CNKSR2: variants seen among roughly 807,000 people sequenced by gnomAD.
CNKSR2 encodes the protein CNK homolog protein 2.
In CNKSR2, 14 loss-of-function variants were observed where a neutral mutation model predicts 84.4. The ratio of observed to expected loss-of-function variants is 0.17; its 90% CI spans 0.11 to 0.26. The LOEUF (loss-of-function observed/expected upper bound fraction) is 0.26, where lower values mean the gene tolerates loss of function less well. Ranked by LOEUF, CNKSR2 falls within the 10% of genes least tolerant of loss-of-function variation. The probability of loss-of-function intolerance (pLI) is 1.00; values close to 1 mark genes in which losing one functional copy is unlikely to be tolerated. For missense variants in CNKSR2, 485 were observed against 771.2 expected (o/e 0.63, Z 4.40); for synonymous variants, 275 against 277.9 (o/e 0.99, Z 0.10).
intron 1 of CNKSR2, among the ~76,000 whole-genome samples, chrX:21,406,718 G>A (rs1207756827): frequency 9.0e-6 from 1 of 111,216 alleles, no homozygotes; most frequent in Non-Finnish European, 1.9e-5. Context: ...ATTCCTTTCT[G>A]TCAAGATCAG....
rs773131126 is a variant in CNKSR2 at position 21,642,609 on chromosome X, A to G, written c.2693-6222A>G. On this transcript the variant is annotated intron_variant, in intron 20 of 21. Transcript: ENST00000379510. ...ATATTTCATACTGTGCAATGAACAG[A>G]TAATTTAACACTGTATTTTGAAATG... The G allele has an allele frequency of 4.0e-5, 30 of 746,171 alleles. No individual in the cohort carries two copies. In the South Asian group the frequency reaches 1.9e-3, roughly 48 times the overall value. The allele number at this position is 746,171 out of a possible 1,213,427, so 61.5% of individuals were successfully genotyped here.
intron 18 of CNKSR2, among the ~76,000 whole-genome samples, chrX:21,605,152 C>T (rs966317152): frequency 1.8e-5 from 2 of 111,449 alleles, no homozygotes; most frequent in Admixed American, 1.9e-4. Flanking sequence ...CACAAGAGCA[C>T]CAAGATGGGA....
At chrX:21,499,008 C>G (rs2091531203) in intron 7 of CNKSR2, among the ~76,000 whole-genome samples, 1 of 111,480 alleles carries the variant, frequency 9.0e-6, no homozygotes, top group Non-Finnish European at 1.9e-5. Flanking sequence ...TTCCTTGCTT[C>G]TCTTGGTTTC....
intron 5 of CNKSR2, among the ~76,000 whole-genome samples, chrX:21,481,233 A>T (rs1479849550): frequency 8.9e-6 from 1 of 111,947 alleles, no homozygotes; most frequent in Non-Finnish European, 1.9e-5. Context: ...AATTGTATAC[A>T]TAAGGAAACT....
chrX:21,626,034 T>C (rs777123756), intron 20 of CNKSR2, among the ~76,000 whole-genome samples: 1 of 111,003 alleles, frequency 9.0e-6, no homozygotes, highest in African/African-American at 3.3e-5. Flanking sequence ...AATTCATCAT[T>C]TAATGGGAGA....
At chrX:21,629,482 C>A (rs943864778) in intron 20 of CNKSR2, among the ~76,000 whole-genome samples, 11 of 112,371 alleles carry the variant, frequency 9.8e-5, no homozygotes, top group African/African-American at 3.6e-4. Flanking sequence ...ATTGGACTTA[C>A]AGTTCCACAT....
chrX:21,646,437 T>C (rs1300827671), intron 20 of CNKSR2, among the ~76,000 whole-genome samples: 1 of 111,993 alleles, frequency 8.9e-6, no homozygotes, highest in African/African-American at 3.2e-5. Context: ...TCATCCTTCT[T>C]AAAGTAAAAC....
intron 1 of CNKSR2, among the ~76,000 whole-genome samples, chrX:21,382,498 A>G (rs1243415020): frequency 9.0e-6 from 1 of 111,089 alleles, no homozygotes; most frequent in Admixed American, 9.6e-5. Flanking sequence ...TCATTTGGGT[A>G]TTTTTTAAAG....
At chrX:21,502,142 T>C (rs1488636126) in intron 8 of CNKSR2, among the ~76,000 whole-genome samples, 2 of 103,079 alleles carry the variant, frequency 1.9e-5, no homozygotes, top group Non-Finnish European at 4.1e-5. Flanking sequence ...TAAAAAATGT[T>C]CTTGCCCTAT....
chrX:21,526,444 A>G (rs187865975), intron 9 of CNKSR2, among the ~76,000 whole-genome samples: 23 of 111,489 alleles, frequency 2.1e-4, no homozygotes, highest in African/African-American at 6.8e-4. Flanking sequence ...GCTTTCTCAT[A>G]CATCAATCAG....
chrX:21,452,266 G>A (rs1172407269), intron 4 of CNKSR2, among the ~76,000 whole-genome samples: 6 of 110,618 alleles, frequency 5.4e-5, no homozygotes, highest in African/African-American at 1.7e-4. Context: ...AATTTTTTGT[G>A]TGTTTTTAGT....
In CNKSR2 at chrX:21,419,794, A is replaced by G. The variant is rs957817440; in HGVS notation, c.65-6703A>G. Reference sequence around the variant, plus strand: ...GCCACCTGAAGCTGTGGGTGGAGTGAGACAAGCACCCTTGTGGCCACCACC... The same window carrying G: ...GCCACCTGAAGCTGTGGGTGGAGTGGGACAAGCACCCTTGTGGCCACCACC... On this transcript the variant is annotated intron_variant, in intron 1 of 21. Transcript: ENST00000379510. Among the ~76,000 whole-genome samples the G allele has an allele frequency of 2.7e-5, 3 of 112,413 alleles. No homozygotes were observed. In the South Asian group the frequency reaches 1.1e-3, roughly 41 times the overall value.
intron 4 of CNKSR2, among the ~76,000 whole-genome samples, chrX:21,447,969 G>A (rs1216830038): frequency 9.0e-6 from 1 of 111,173 alleles, no homozygotes; most frequent in Non-Finnish European, 1.9e-5. Context: ...ATTCAAATAC[G>A]AAGCCAAAGT....
At chrX:21,582,162 A>G (rs1052710660) in intron 13 of CNKSR2, among the ~76,000 whole-genome samples, 2 of 111,914 alleles carry the variant, frequency 1.8e-5, no homozygotes, top group Non-Finnish European at 3.8e-5. Flanking sequence ...CCTTTCATGC[A>G]GATGTTATTA....
intron 17 of CNKSR2, among the ~76,000 whole-genome samples, chrX:21,598,725 A>G (rs1229934947): frequency 8.9e-6 from 1 of 112,341 alleles, no homozygotes; most frequent in African/African-American, 3.2e-5. Context: ...ACTATTTCAC[A>G]TATGTTTATT....
intron 19 of CNKSR2, among the ~76,000 whole-genome samples, chrX:21,608,642 A>G (rs929052211): frequency 5.4e-5 from 6 of 111,071 alleles, no homozygotes; most frequent in African/African-American, 2.0e-4. Flanking sequence ...TAGGCAGCCT[A>G]TCCTCATATC....
intron 1 of CNKSR2, among the ~76,000 whole-genome samples, chrX:21,380,080 G>C (rs1003898360): frequency 9.0e-6 from 1 of 110,909 alleles, no homozygotes; most frequent in Admixed American, 9.6e-5. Context: ...AGCATGAGTA[G>C]GTGGCACAAA....
intron 11 of CNKSR2, among the ~76,000 whole-genome samples, chrX:21,557,342 C>T (rs1326860929): frequency 9.0e-6 from 1 of 110,693 alleles, no homozygotes; most frequent in Non-Finnish European, 1.9e-5. Flanking sequence ...GAATATAGTC[C>T]ATAATTCTTA....
intron 13 of CNKSR2, among the ~76,000 whole-genome samples, chrX:21,577,901 G>C (rs1273396723): frequency 9.0e-6 from 1 of 111,146 alleles, no homozygotes; most frequent in Non-Finnish European, 1.9e-5. Context: ...ATTATCCAAA[G>C]TTTCCTCTTA....
Sources: gnomAD v4.1 joint callset for allele counts (sites outside exome capture counted in the v4.1 genomes callset) on GRCh38, gnomAD v4.1.1 for gene constraint, MANE v1.5 for transcripts, NCBI Gene and HGNC (gene_info 2026-07-23, HGNC 2026-07-21) for gene names.